PPIA: variants seen among roughly 807,000 people sequenced by gnomAD.
The protein encoded by PPIA is peptidylprolyl isomerase A, also known as peptidyl-prolyl cis-trans isomerase A.
In PPIA, 2 loss-of-function variants were observed where a neutral mutation model predicts 15.3. The ratio of observed to expected loss-of-function variants is 0.13; its 90% CI spans 0.05 to 0.41. The LOEUF (loss-of-function observed/expected upper bound fraction) is 0.41. PPIA is among the 10% of genes least tolerant of loss of function. The pLI is 0.99. For missense variants in PPIA, 103 were observed against 210.3 expected (o/e 0.49, Z 3.16); for synonymous variants, 67 against 73.1 (o/e 0.92, Z 0.43).
rs775088233 is a variant in PPIA, at chr7:44,799,227, A to C, written c.70-20A>C. 2 of 1,611,890 alleles carry C rather than the reference A, an allele frequency of 1.2e-6. No individual in the cohort carries two copies. The highest frequency in any genetic ancestry group is 2.2e-5 in the South Asian group (2 of 90,466). Reference sequence around the variant, plus strand: ...CAACAAAATAAGCAGATGTTAATTAACTGTAATTTTCTCTTACAGCTGTTT... The same window carrying C: ...CAACAAAATAAGCAGATGTTAATTACCTGTAATTTTCTCTTACAGCTGTTT... On this transcript the variant is annotated intron_variant, in intron 1 of 4. Transcript: ENST00000468812.
intron 4 of PPIA, chr7:44,800,314 C>G (rs1425326641): frequency 5.8e-6 from 1 of 173,236 alleles, no homozygotes; most frequent in Non-Finnish European, 1.2e-5. Context: ...GTCTTGAACT[C>G]GTGACTTAAG....
Position 44,799,688 on chromosome 7 carries a change from C to T in PPIA, c.190-14C>T, listed in dbSNP as rs766232907. The T allele has an allele frequency of 2.5e-6, 4 of 1,613,838 alleles. No individual in the cohort carries two copies. Among genetic ancestry groups the T allele is most frequent in the Non-Finnish European group, 3.4e-6 (4 of 1,179,794 alleles). On this transcript the variant is annotated splice_polypyrimidine_tract_variant and intron_variant, in intron 3 of 4. Coordinates refer to ENST00000468812, the MANE Select transcript of PPIA (RefSeq NM_021130.5). ...TATGTTGTCAGAAGTGACATTTTTC[C>T]TATATGTTGACAGGGTGGTGACTTC...
chr7:44,797,552 C>G (rs1341041329), intron 1 of PPIA, among the ~76,000 whole-genome samples: 1 of 152,084 alleles, frequency 6.6e-6, no homozygotes, highest in Non-Finnish European at 1.5e-5. Context: ...GCTCTTGAGC[C>G]CCTCCCGATT....
intron 4 of PPIA, 139 bp downstream of exon 4, chr7:44,800,013 T>G: frequency 1.1e-6 from 1 of 894,014 alleles, no homozygotes; most frequent in Non-Finnish European, 1.7e-6. Flanking sequence ...AGAGCATACA[T>G]AAACGACAAA....
In PPIA at chr7:44,796,759, T is replaced by C. The variant is rs1792378425; in HGVS notation, c.35T>C (p.Val12Ala). The change falls in exon 1 of 5, where the codon GTC (valine) becomes GCC (alanine). Residue 12 changes from valine (V) to alanine (A), a missense_variant. Coordinates refer to ENST00000468812, the MANE Select transcript of PPIA (RefSeq NM_021130.5). Reference sequence around the variant, plus strand: ...CCCACCGTGTTCTTCGACATTGCCGTCGACGGCGAGCCCTTGGGCCGCGTC... The same window carrying C: ...CCCACCGTGTTCTTCGACATTGCCGCCGACGGCGAGCCCTTGGGCCGCGTC... ...VNPTVFFDIAVDGEPLGRVSF... is the reference protein window; with the variant it reads ...VNPTVFFDIAADGEPLGRVSF... 1 of 1,609,620 alleles carries C rather than the reference T, an allele frequency of 6.2e-7. No homozygotes were observed. The highest frequency in any genetic ancestry group is 8.5e-7 in the Non-Finnish European group (1 of 1,178,664).
At chr7:44,799,079 A>C (rs991577659) in intron 1 of PPIA, 168 bp from the exon 2 acceptor site, 2 of 1,079,576 alleles carry the variant, frequency 1.9e-6, no homozygotes, top group Admixed American at 6.7e-5. Flanking sequence ...TCTTAACCCA[A>C]CTGCCTGCAG....
chr7:44,799,073 A>C, intron 1 of PPIA, 174 bp from the exon 2 acceptor site: 1 of 1,079,282 alleles, frequency 9.3e-7, no homozygotes, highest in African/African-American at 1.6e-5. Context: ...CATGTTTCTT[A>C]ACCCAACTGC....
intron 1 of PPIA, among the ~76,000 whole-genome samples, chr7:44,797,526 C>T (rs1352567098): frequency 6.6e-6 from 1 of 152,190 alleles, no homozygotes; most frequent in African/African-American, 2.4e-5. Context: ...GCAGTGACGG[C>T]GCTGGCGGGG....
chr7:44,796,872 C>G, intron 1 of PPIA, 79 bp downstream of exon 1: 1 of 1,458,770 alleles, frequency 6.9e-7, no homozygotes, highest in Non-Finnish European at 9.3e-7. Flanking sequence ...CCCCAAAGGC[C>G]CGGGCGCGGG....
intron 1 of PPIA, chr7:44,799,035 A>T: frequency 8.7e-7 from 1 of 1,152,692 alleles, no homozygotes; most frequent in Non-Finnish European, 1.1e-6. Context: ...TATGACTAGT[A>T]TTGGATTTTT....
At chr7:44,796,834 TGGGCCG>T in intron 1 of PPIA, 41 bp downstream of exon 1, 4 of 1,514,760 alleles carry the variant, frequency 2.6e-6, no homozygotes, top group Non-Finnish European at 3.6e-6. Flanking sequence ...GCCCAGAAAG[TGGGCCG>T]GGGTCGGGGT....
intron 4 of PPIA, among the ~76,000 whole-genome samples, 184 bp from the exon 5 acceptor site, chr7:44,801,103 C>T (rs1488846885): frequency 1.3e-5 from 2 of 152,008 alleles, no homozygotes; most frequent in African/African-American, 4.8e-5. Flanking sequence ...AGGCGTGAGC[C>T]ACCGCACCCG....
intron 1 of PPIA, chr7:44,798,702 A>G (rs1792456197): frequency 9.3e-6 from 9 of 971,862 alleles, no homozygotes; most frequent in Non-Finnish European, 1.1e-5. Context: ...AAGGTTCAAA[A>G]CCAGATATAC....
intron 4 of PPIA, 84 bp from the exon 5 acceptor site, chr7:44,801,201 AAG>A: frequency 1.4e-6 from 2 of 1,411,528 alleles, no homozygotes; most frequent in Middle Eastern, 2.6e-4. Context: ...AAAAAAAAAA[AAG>A]CTACCTTTCT....
At chr7:44,797,338 C>T (rs1284660191) in intron 1 of PPIA, among the ~76,000 whole-genome samples, 3 of 152,156 alleles carry the variant, frequency 2.0e-5, no homozygotes, top group African/African-American at 7.2e-5. Context: ...CCCGGGAGGC[C>T]ATGTTATAAA....
chr7:44,796,797 G>C lies in PPIA; in HGVS notation c.69+4G>C. On this transcript the variant is annotated splice_donor_region_variant and intron_variant, in intron 1 of 4. Transcript: ENST00000468812. Reference sequence around the variant, plus strand: ...CTTGGGCCGCGTCTCCTTTGAGGTCGGGCGGGCGGCGGCGTGCGGGAATGG... The same window carrying C: ...CTTGGGCCGCGTCTCCTTTGAGGTCCGGCGGGCGGCGGCGTGCGGGAATGG... 6.2e-7 allele frequency: 1 copy of C among 1,604,124 alleles called. No individual in the cohort carries two copies. Among genetic ancestry groups the C allele is most frequent in the South Asian group, 1.1e-5 (1 of 90,792 alleles).
chr7:44,797,648 G>A (rs1792419857), intron 1 of PPIA, among the ~76,000 whole-genome samples: 2 of 152,208 alleles, frequency 1.3e-5, no homozygotes, highest in Admixed American at 1.3e-4. Flanking sequence ...TACCTAATTA[G>A]TTTTGAGAGC....
chr7:44,799,552 G>A (rs1792483380), intron 3 of PPIA, 72 bp downstream of exon 3: 2 of 1,573,266 alleles, frequency 1.3e-6, no homozygotes, highest in Non-Finnish European at 1.7e-6. Context: ...AATATTTCAG[G>A]ATACACATAT....
intron 1 of PPIA, chr7:44,798,592 T>C (rs1487272919): frequency 3.2e-6 from 1 of 308,164 alleles, no homozygotes; most frequent in East Asian, 1.7e-4. Context: ...AAATAGCTTA[T>C]AAAATGCTAC....
Sources: gnomAD v4.1 joint callset for allele counts (sites outside exome capture counted in the v4.1 genomes callset) on GRCh38, gnomAD v4.1.1 for gene constraint, MANE v1.5 for transcripts, NCBI Gene and HGNC (gene_info 2026-07-23, HGNC 2026-07-21) for gene names.